Variants in MFSD12 observed in about 807,000 individuals in gnomAD.
MFSD12 encodes major facilitator superfamily domain-containing protein 12.
MFSD12 carries 67 observed loss-of-function variants against 51.2 expected under a neutral mutation model. The ratio of observed to expected loss-of-function variants is 1.31; its 90% confidence interval spans 1.08 to 1.60. MFSD12 has a LOEUF of 1.60. Ranked by LOEUF, MFSD12 falls within the 40% of genes most tolerant of loss-of-function variation. The pLI is 0.00. For missense variants in MFSD12, 921 were observed against 673.0 expected (o/e 1.37, Z -4.08); for synonymous variants, 441 against 316.7 (o/e 1.39, Z -4.17).
downstream of MFSD12, among the ~76,000 whole-genome samples, chr19:3,540,530 A>C (rs536222613): frequency 1.9e-4 from 29 of 150,620 alleles, no homozygotes; most frequent in South Asian, 4.5e-3. Flanking sequence ...TGCTGGGATT[A>C]CAGGCGTGAG....
rs199582568 is a variant in MFSD12 at position 3,544,875 on chromosome 19, C to A, written c.1354G>T (p.Gly452Cys). The A allele has an allele frequency of 2.5e-6, 4 of 1,611,470 alleles. No homozygotes were observed. The highest frequency in any genetic ancestry group is 1.7e-4 in the Middle Eastern group (1 of 6,028). ...YHWAMVAVTG[G>C]VGVAAALCLC... is the part of the protein sequence containing the mutation. ...CACAGGGCAGCGGCCACGCCCACGC[C>A]GCCCGTCACAGCCACCATCGCCCAG... The change falls in exon 9 of 10, where the codon GGC (glycine) becomes TGC (cysteine). Residue 452 changes from glycine to cysteine, a missense_variant. Physicochemically the swap from Gly to Cys is radical, Grantham distance 159. Transcript: ENST00000355415.
intron 2 of MFSD12, among the ~76,000 whole-genome samples, chr19:3,550,671 T>G (rs145470074): frequency 1.3e-5 from 2 of 152,016 alleles, no homozygotes; most frequent in Non-Finnish European, 2.9e-5. Context: ...ATTACAGGTG[T>G]GAGCCATGCC....
rs2031451765 is a variant in MFSD12 at position 3,551,110 on chromosome 19, A to AG, written c.382dup (p.Leu128ProfsTer35). On this transcript the variant is annotated frameshift_variant, in exon 2 of 10. Transcript: ENST00000355415. LOFTEE classifies it high-confidence loss of function. The surrounding 1 kb of genome is among the most constrained non-coding windows in gnomAD (Gnocchi z 4.6). ...CACGATGAACGGGCCGTAGTAGAGG[A>AG]GGGCAGCCCACTCGGGCGTGGCCGC... 8 of 1,613,076 alleles carry AG rather than the reference A, an allele frequency of 5.0e-6. No individual in the cohort carries two copies. Among genetic ancestry groups the AG allele is most frequent in the Non-Finnish European group, 5.9e-6 (7 of 1,179,980 alleles).
chr19:3,543,006 T>C (rs757985058), downstream of MFSD12: 1 of 1,600,034 alleles, frequency 6.2e-7, no homozygotes, highest in South Asian at 1.1e-5. Flanking sequence ...AGTGCTGACT[T>C]GGGTGCTTGG....
Position 3,546,152 on chromosome 19 carries a change from A to G in MFSD12, c.1211T>C (p.Val404Ala). 2 of 1,613,224 alleles carry G rather than the reference A, an allele frequency of 1.2e-6. No individual in the cohort carries two copies. The highest frequency in any genetic ancestry group is 1.7e-6 in the Non-Finnish European group (2 of 1,179,980). ...IGPHTNSGAF[V>A]YGSMSFLDKV... ...ATCCAAGAAGCTCATGGAGCCGTAC[A>G]CGAACGCTCCGCTGTTCTGTGGAGA... is the stretch of plus-strand genomic sequence containing the variant. The change falls in exon 8 of 10, where the codon GTG (valine) becomes GCG (alanine). Residue 404 changes from valine to alanine, a missense_variant. Transcript: ENST00000355415.
At chr19:3,554,208 A>G (rs2031623617) in intron 1 of MFSD12, among the ~76,000 whole-genome samples, 1 of 152,018 alleles carries the variant, frequency 6.6e-6, no homozygotes. Context: ...GGGCTGAGAC[A>G]GGCAGATCAC....
In MFSD12 at chr19:3,545,545, C is replaced by T. The variant is rs137861700; in HGVS notation, c.1289+529G>A. Reference sequence around the variant, plus strand: ...TGACATCCTGCAGGTGTCAGGGCCACGTCACCTCCTCCAAGAAGCCCTCCC... The same window carrying T: ...TGACATCCTGCAGGTGTCAGGGCCATGTCACCTCCTCCAAGAAGCCCTCCC... On this transcript the variant is annotated intron_variant, in intron 8 of 9. Transcript: ENST00000355415. 1.3e-3 allele frequency among the ~76,000 whole-genome samples: 203 copies of T among 152,378 alleles called. 1 individual carries two copies. Among genetic ancestry groups the T allele is most frequent in the South Asian group, 7.0e-3 (34 of 4,830 alleles).
chr19:3,545,048 T>G, intron 8 of MFSD12, 109 bp from the exon 9 acceptor site: 1 of 1,409,718 alleles, frequency 7.1e-7, no homozygotes, highest in Non-Finnish European at 9.4e-7. Context: ...TCCTGTCCAA[T>G]CCAGGAGCTG....
At chr19:3,544,108 T>C (rs2030722097), downstream of MFSD12, 6 of 1,419,956 alleles carry the variant, frequency 4.2e-6, no homozygotes, top group Non-Finnish European at 5.6e-6. Flanking sequence ...AGGCAGACAC[T>C]GGGCTCGCTG....
Position 3,551,317 on chromosome 19 carries a change from A to G in MFSD12, c.299-123T>C, listed in dbSNP as rs541338988. On this transcript the variant is annotated intron_variant, in intron 1 of 9. Coordinates refer to ENST00000355415, the MANE Select transcript of MFSD12 (RefSeq NM_174983.5). This position sits in a 1 kb window ranked among gnomAD's most constrained non-coding sequence, Gnocchi z 4.6. The stretch of plus-strand genomic sequence containing the variant: ...AGATGGAGACGCCCCCCGCATGCAC[A>G]CAGTCACGCAGGAGCGAGGGTCTGC... 128 of 747,268 alleles carry G rather than the reference A, an allele frequency of 1.7e-4. 1 individual carries two copies. The South Asian group carries it at 2.4e-3, about 14-fold the overall frequency. 46.3% of individuals were successfully genotyped at this position (747,268 alleles called of 1,614,324 possible).
intron 8 of MFSD12, among the ~76,000 whole-genome samples, chr19:3,545,822 G>C (rs1217895814): frequency 6.6e-6 from 1 of 152,192 alleles, no homozygotes; most frequent in Non-Finnish European, 1.5e-5. Context: ...CTCCCTTCCA[G>C]CTGGGCCCAC....
Position 3,544,958 on chromosome 19 carries a change from G to GA in MFSD12, c.1290-20dup, listed in dbSNP as rs771359532. The GA allele has an allele frequency of 2.5e-6, 4 of 1,595,698 alleles. No homozygotes were observed. The highest frequency in any genetic ancestry group is 3.4e-6 in the Non-Finnish European group (4 of 1,173,412). On this transcript the variant is annotated intron_variant, in intron 8 of 9. Transcript: ENST00000355415. ...CTCTGAGCTGTGGGAGGAGGCGGGG[G>GA]ATGAGTAGGCACCGCGGGTACCACC...
chr19:3,543,983 G>A (rs377410997), downstream of MFSD12: 360 of 1,547,088 alleles, frequency 2.3e-4, no homozygotes, highest in Non-Finnish European at 2.8e-4. Flanking sequence ...AGCGGTCCCC[G>A]CCTTCCCTCA....
chr19:3,547,672 C>G (rs2031186736), intron 4 of MFSD12, 125 bp from the exon 5 acceptor site: 1 of 1,167,972 alleles, frequency 8.6e-7, no homozygotes, highest in Non-Finnish European at 1.2e-6. Context: ...GTAGTGACTG[C>G]CCAGTGGGGT....
chr19:3,542,323 T>C (rs2030485108), downstream of MFSD12: 2 of 985,372 alleles, frequency 2.0e-6, no homozygotes, highest in Non-Finnish European at 2.4e-6. Context: ...GTTCCTGCCA[T>C]GAGAGCTGGA....
chr19:3,550,888 C>T, intron 2 of MFSD12, 96 bp downstream of exon 2: 1 of 1,010,692 alleles, frequency 9.9e-7, no homozygotes, highest in Non-Finnish European at 1.5e-6. Flanking sequence ...TGGTCTCGAG[C>T]TGCCGAGTCT....
chr19:3,541,807 T>C (rs2030441086), downstream of MFSD12: 1 of 984,406 alleles, frequency 1.0e-6, no homozygotes, highest in African/African-American at 1.8e-5. Flanking sequence ...AATATTATTC[T>C]GTGCTGTTTT....
At chr19:3,552,998 C>G (rs2031554812) in intron 1 of MFSD12, among the ~76,000 whole-genome samples, 1 of 152,152 alleles carries the variant, frequency 6.6e-6, no homozygotes, top group South Asian at 2.1e-4. Flanking sequence ...CCTCCTTCCT[C>G]CCTCCGGAGG....
intron 2 of MFSD12, among the ~76,000 whole-genome samples, chr19:3,549,719 G>C (rs1489554825): frequency 2.4e-5 from 2 of 83,022 alleles, no homozygotes; most frequent in Non-Finnish European, 4.6e-5. Context: ...TGAGACTCTT[G>C]TCTCAAAAAA....
Sources: allele counts gnomAD v4.1 joint callset (sites outside exome capture counted in the v4.1 genomes callset), GRCh38; gene constraint gnomAD v4.1.1; non-coding constraint Gnocchi (gnomAD v3.1); transcripts MANE v1.5; gene names NCBI Gene and HGNC (gene_info 2026-07-23, HGNC 2026-07-21).